SLC12A8: variants seen among roughly 807,000 people sequenced by gnomAD.
SLC12A8 encodes solute carrier family 12 member 8.
In SLC12A8, 69 loss-of-function variants were observed where a neutral mutation model predicts 75.6. The observed-to-expected ratio is 0.91, with a 90% CI of 0.75 to 1.11. The LOEUF (loss-of-function observed/expected upper bound fraction) is 1.11. Among genes scored for constraint, SLC12A8 ranks in the 50% most tolerant of loss-of-function variants. The probability of loss-of-function intolerance (pLI) is 0.00; values close to 1 mark genes in which losing one functional copy is unlikely to be tolerated. For synonymous variants in SLC12A8, 365 were observed against 372.8 expected (o/e 0.98, Z 0.24); for missense variants, 877 against 896.7 (o/e 0.98, Z 0.28).
At chr3:125,203,025 T>C (rs1259337859) in intron 2 of SLC12A8, among the ~76,000 whole-genome samples, 3 of 145,170 alleles carry the variant, frequency 2.1e-5, no homozygotes, top group Admixed American at 7.2e-5. Flanking sequence ...GAGGTGAAGG[T>C]TGCAGTGAGC....
intron 6 of SLC12A8, among the ~76,000 whole-genome samples, chr3:125,122,310 A>T (rs186139430): frequency 1.0e-3 from 152 of 152,332 alleles, no homozygotes; most frequent in East Asian, 7.7e-4. Flanking sequence ...TTCTACAATG[A>T]TCATTTTGAA....
chr3:125,159,670 T>G (rs1934125760), intron 5 of SLC12A8, among the ~76,000 whole-genome samples: 2 of 152,324 alleles, frequency 1.3e-5, no homozygotes, highest in South Asian at 4.1e-4. Context: ...ATTACAGGCG[T>G]GAGCCACCAG....
intron 10 of SLC12A8, among the ~76,000 whole-genome samples, chr3:125,104,507 G>A (rs1486289656): frequency 8.5e-4 from 106 of 125,124 alleles, no homozygotes; most frequent in Admixed American, 9.7e-4. Flanking sequence ...GTTCAAATTA[G>A]AAAAAAAAAA....
At chr3:125,115,753 T>G (rs631640) in intron 8 of SLC12A8, among the ~76,000 whole-genome samples, 144,167 of 151,764 alleles carry the variant, frequency 0.95, 68,851 homozygotes, top group East Asian at 1. Flanking sequence ...TGGGAGCTGC[T>G]TGTGAACGAG....
chr3:125,120,217 G>C (rs534628060), intron 7 of SLC12A8, among the ~76,000 whole-genome samples: 1 of 149,480 alleles, frequency 6.7e-6, no homozygotes, highest in Non-Finnish European at 1.5e-5. Context: ...GCCCCAATTC[G>C]TCTGATTGCA....
intron 6 of SLC12A8, among the ~76,000 whole-genome samples, chr3:125,123,920 C>G (rs944983672): frequency 1.3e-5 from 2 of 152,088 alleles, no homozygotes; most frequent in African/African-American, 4.8e-5. Context: ...CCATGAAGAC[C>G]CCTGAGAACA....
rs573085390 is a variant in SLC12A8, at chr3:125,137,945, T to TCA, written c.623-2165_623-2164dup. The stretch of plus-strand genomic sequence containing the variant: ...CACGCTCACACGCTCACGCTCACAC[T>TCA]CACGCTCACACTCACACGCTCACAC... On this transcript the variant is annotated intron_variant, in intron 5 of 13. Transcript: ENST00000469902. Among the ~76,000 whole-genome samples, 83 of 147,584 alleles carry TCA rather than the reference T, an allele frequency of 5.6e-4. 4 individuals carry two copies. The South Asian group carries it at 0.016, about 28-fold the overall frequency.
At chr3:125,122,019 T>C (rs1162057372) in intron 6 of SLC12A8, among the ~76,000 whole-genome samples, 1 of 152,200 alleles carries the variant, frequency 6.6e-6, no homozygotes, top group Admixed American at 6.5e-5. Flanking sequence ...AACAACCTAA[T>C]GTCTAAAAAT....
chr3:125,162,828 G>A (rs1934203496), intron 5 of SLC12A8, among the ~76,000 whole-genome samples: 1 of 152,180 alleles, frequency 6.6e-6, no homozygotes, highest in Non-Finnish European at 1.5e-5. Context: ...GTAAGAGGAA[G>A]GATCCCAGGC....
At chr3:125,123,244 G>A (rs1933106446) in intron 6 of SLC12A8, among the ~76,000 whole-genome samples, 1 of 151,876 alleles carries the variant, frequency 6.6e-6, no homozygotes, top group Admixed American at 6.6e-5. Context: ...GTGTGGTGGT[G>A]CACACCTATA....
At chr3:125,204,831 T>C (rs1935195813) in intron 2 of SLC12A8, among the ~76,000 whole-genome samples, 1 of 152,158 alleles carries the variant, frequency 6.6e-6, no homozygotes, top group Admixed American at 6.5e-5. Context: ...CAAAATATCA[T>C]ATGTACCCCC....
At chr3:125,130,885 C>T (rs948025011) in intron 6 of SLC12A8, among the ~76,000 whole-genome samples, 2 of 152,216 alleles carry the variant, frequency 1.3e-5, no homozygotes, top group Admixed American at 6.5e-5. Context: ...ACCCCTGGTG[C>T]ACCTGAGGAC....
At chr3:125,165,520 G>A (rs1424558719) in intron 5 of SLC12A8, among the ~76,000 whole-genome samples, 3 of 152,200 alleles carry the variant, frequency 2.0e-5, no homozygotes, top group African/African-American at 4.8e-5. Flanking sequence ...CTGGGAGGAC[G>A]ATTCTACAGA....
chr3:125,155,381 C>T (rs988985702), intron 5 of SLC12A8, among the ~76,000 whole-genome samples: 1 of 151,896 alleles, frequency 6.6e-6, no homozygotes, highest in Admixed American at 6.6e-5. Context: ...TTAATTTCGG[C>T]GAGGCTGTTT....
intron 8 of SLC12A8, among the ~76,000 whole-genome samples, chr3:125,112,070 G>C (rs1413676521): frequency 6.6e-6 from 1 of 152,216 alleles, no homozygotes; most frequent in Non-Finnish European, 1.5e-5. Context: ...CAAAGGGACA[G>C]GCAAAAGAGG....
At chr3:125,104,660 A>C (rs1326018016) in intron 10 of SLC12A8, among the ~76,000 whole-genome samples, 1 of 152,214 alleles carries the variant, frequency 6.6e-6, no homozygotes, top group African/African-American at 2.4e-5. Context: ...TTTTATGTAA[A>C]GTAGTAATAT....
chr3:125,098,229 C>A (rs894909519), intron 10 of SLC12A8, among the ~76,000 whole-genome samples: 1 of 152,142 alleles, frequency 6.6e-6, no homozygotes, highest in African/African-American at 2.4e-5. Context: ...TTAGTCCACA[C>A]AGAATCATGT....
chr3:125,211,250 C>T, intron 2 of SLC12A8, 49 bp downstream of exon 2: 1 of 1,499,324 alleles, frequency 6.7e-7, no homozygotes, highest in Non-Finnish European at 9.3e-7. Flanking sequence ...TCTGGGGATC[C>T]CCGTGCTCAC....
intron 2 of SLC12A8, among the ~76,000 whole-genome samples, chr3:125,206,169 A>T (rs1385966480): frequency 1.3e-5 from 2 of 152,216 alleles, no homozygotes; most frequent in African/African-American, 2.4e-5. Context: ...TAAAAATAAA[A>T]GTCAGTTCTT....
Sources: allele counts gnomAD v4.1 joint callset (sites outside exome capture counted in the v4.1 genomes callset), GRCh38; gene constraint gnomAD v4.1.1; transcripts MANE v1.5; gene names NCBI Gene and HGNC (gene_info 2026-07-23, HGNC 2026-07-21).